SNX29: variants seen among roughly 807,000 people sequenced by gnomAD.
The protein encoded by SNX29 is sorting nexin-29.
SNX29 carries 78 observed loss-of-function variants against 102.1 expected under a neutral mutation model. The observed-to-expected ratio is 0.76, with a 90% CI of 0.64 to 0.92. The LOEUF (loss-of-function observed/expected upper bound fraction) is 0.92, where lower values mean the gene tolerates loss of function less well. SNX29 is among the 40% of genes least tolerant of loss of function. SNX29 has a pLI of 0.00. For missense variants in SNX29, 1,280 were observed against 1,061.7 expected (o/e 1.21, Z -2.86); for synonymous variants, 580 against 414.5 (o/e 1.40, Z -4.85).
At chr16:12,185,035 C>G (rs117804490) in intron 13 of SNX29, among the ~76,000 whole-genome samples, 1 of 152,220 alleles carries the variant, frequency 6.6e-6, no homozygotes, top group Admixed American at 6.5e-5. Context: ...ACAAGAAAGG[C>G]TGTTTGTATG....
intron 13 of SNX29, among the ~76,000 whole-genome samples, chr16:12,147,118 C>T (rs2055095828): frequency 6.6e-6 from 1 of 152,214 alleles, no homozygotes. Flanking sequence ...TTTGCATGAA[C>T]ATCTGTGTTT....
intron 9 of SNX29, among the ~76,000 whole-genome samples, chr16:12,064,839 C>T (rs1333432244): frequency 6.6e-6 from 1 of 152,256 alleles, no homozygotes; most frequent in Non-Finnish European, 1.5e-5. Context: ...TTTGTCCCTT[C>T]TGAGGGACAT....
At chr16:12,303,938 A>G (rs2080259857) in intron 15 of SNX29, among the ~76,000 whole-genome samples, 1 of 151,990 alleles carries the variant, frequency 6.6e-6, no homozygotes, top group African/African-American at 2.4e-5. Context: ...TGTCTTGCCC[A>G]TTTTCAGTGG....
intron 11 of SNX29, among the ~76,000 whole-genome samples, chr16:12,099,367 CA>C (rs1218099476): frequency 1.3e-5 from 2 of 152,160 alleles, no homozygotes; most frequent in Non-Finnish European, 2.9e-5. Context: ...AAGGAAGAGG[CA>C]CCGTGATTTT....
intron 1 of SNX29, chr16:11,977,729 CCCT>C (rs2055334499): frequency 6.6e-6 from 1 of 152,336 alleles, no homozygotes. Flanking sequence ...GAAGTTTAGT[CCCT>C]TGACTCTACC....
chr16:11,976,906 G>GCTCCCTCGCAGACCCC (rs2055312603), intron 1 of SNX29, 93 bp downstream of exon 1: 3 of 1,278,138 alleles, frequency 2.3e-6, no homozygotes, highest in Non-Finnish European at 3.0e-6. Context: ...CTCGCGCCCC[G>GCTCCCTCGCAGACCCC]CTCCCTCGCA....
intron 20 of SNX29, among the ~76,000 whole-genome samples, chr16:12,567,626 G>A (rs1011069407): frequency 3.3e-4 from 50 of 152,120 alleles, no homozygotes; most frequent in African/African-American, 1.1e-3. Flanking sequence ...CTCAGGTATG[G>A]TGGCTAGTAC....
At chr16:12,560,274 A>C (rs1040121360) in intron 20 of SNX29, among the ~76,000 whole-genome samples, 3 of 152,180 alleles carry the variant, frequency 2.0e-5, no homozygotes, top group South Asian at 2.1e-4. Flanking sequence ...ACACAGCAGC[A>C]ATGTCACAGT....
At chr16:12,545,590 T>G (rs1378470753) in intron 20 of SNX29, 1 of 152,234 alleles carries the variant, frequency 6.6e-6, no homozygotes, top group South Asian at 2.1e-4. Flanking sequence ...CCATTTCCTC[T>G]GGAATCCAGA....
chr16:12,565,281 G>C (rs181703891), intron 20 of SNX29, among the ~76,000 whole-genome samples: 4 of 151,950 alleles, frequency 2.6e-5, no homozygotes, highest in Non-Finnish European at 5.9e-5. Flanking sequence ...CCTCACATAC[G>C]CCAGCAGCCA....
chr16:12,549,351 C>T (rs1172174082), intron 20 of SNX29, among the ~76,000 whole-genome samples: 1 of 152,136 alleles, frequency 6.6e-6, no homozygotes, highest in Non-Finnish European at 1.5e-5. Flanking sequence ...AAAAATTAGC[C>T]ATGGGTGGTG....
intron 15 of SNX29, among the ~76,000 whole-genome samples, chr16:12,286,501 T>A (rs143741803): frequency 4.0e-5 from 6 of 151,760 alleles, no homozygotes; most frequent in South Asian, 4.2e-4. Flanking sequence ...CCCACCACCA[T>A]GTGAGGTTAA....
chr16:12,562,920 G>A (rs1207709011), intron 20 of SNX29, among the ~76,000 whole-genome samples: 7 of 152,118 alleles, frequency 4.6e-5, no homozygotes, highest in Non-Finnish European at 7.3e-5. Flanking sequence ...ATTCGTCCAT[G>A]TTGCCAAAAA....
chr16:12,521,187 C>T (rs1231233215), intron 19 of SNX29, among the ~76,000 whole-genome samples: 1 of 151,854 alleles, frequency 6.6e-6, no homozygotes, highest in Non-Finnish European at 1.5e-5. Flanking sequence ...CTCAAAAAAA[C>T]AAAAAACAAA....
intron 14 of SNX29, among the ~76,000 whole-genome samples, chr16:12,276,907 C>T (rs570496101): frequency 2.4e-4 from 36 of 152,230 alleles, no homozygotes; most frequent in African/African-American, 1.7e-4. Flanking sequence ...TTTGCATTGA[C>T]GTTCTGTGTT....
intron 19 of SNX29, among the ~76,000 whole-genome samples, chr16:12,516,598 A>G (rs1363001330): frequency 2.0e-5 from 3 of 152,030 alleles, no homozygotes; most frequent in Non-Finnish European, 4.4e-5. Flanking sequence ...ACAAGTTCCT[A>G]TATCAGCTGA....
intron 20 of SNX29, among the ~76,000 whole-genome samples, chr16:12,542,815 G>A (rs2077402886): frequency 1.3e-5 from 2 of 151,566 alleles, no homozygotes; most frequent in African/African-American, 2.4e-5. Context: ...TGAAGTTAAA[G>A]CATCCTGTAA....
chr16:12,079,600 A>C (rs1424414737), intron 11 of SNX29, among the ~76,000 whole-genome samples: 4 of 152,190 alleles, frequency 2.6e-5, no homozygotes, highest in Non-Finnish European at 2.9e-5. Context: ...GTGAAGCAGG[A>C]AGTGAGCAGA....
chr16:12,570,227 T>C lies in SNX29; in HGVS notation c.*1598T>C. On this transcript the variant is annotated 3_prime_UTR_variant, in exon 21 of 21. Coordinates refer to ENST00000566228, the MANE Select transcript of SNX29 (RefSeq NM_032167.5). ...AGGGGACCTGGGGCCAGATAAGCCC[T>C]GCCCCGGTGAGACCAAATGAGCTGG... is the stretch of plus-strand genomic sequence containing the variant. The C allele has an allele frequency of 1.9e-6, 2 of 1,065,140 alleles. No homozygotes were observed. The highest frequency in any genetic ancestry group is 1.1e-6 in the Non-Finnish European group (1 of 879,174). 66.0% of individuals were successfully genotyped at this position (1,065,140 alleles called of 1,614,324 possible).
Sources: allele counts gnomAD v4.1 joint callset (sites outside exome capture counted in the v4.1 genomes callset), GRCh38; gene constraint gnomAD v4.1.1; transcripts MANE v1.5; gene names NCBI Gene and HGNC (gene_info 2026-07-23, HGNC 2026-07-21).